RBPJ: variants seen among roughly 807,000 people sequenced by gnomAD.
The protein encoded by RBPJ is recombining binding protein suppressor of hairless.
In RBPJ, 9 loss-of-function variants were observed where a neutral mutation model predicts 67.8. That is an observed-to-expected ratio of 0.13 (90% CI 0.08 to 0.23). The LOEUF is 0.23. Ranked by LOEUF, RBPJ falls within the 10% of genes least tolerant of loss-of-function variation. RBPJ has a pLI of 1.00. For synonymous variants in RBPJ, 198 were observed against 203.3 expected (o/e 0.97, Z 0.22); for missense variants, 305 against 595.6 (o/e 0.51, Z 5.08).
At chr4:26,219,629 A>G (rs1483943218) in intron 1 of RBPJ, among the ~76,000 whole-genome samples, 1 of 152,252 alleles carries the variant, frequency 6.6e-6, no homozygotes, top group African/African-American at 2.4e-5. Flanking sequence ...AAGCATTTCC[A>G]TATCTGAACC....
intron 1 of RBPJ, among the ~76,000 whole-genome samples, chr4:26,363,527 C>G (rs916822280): frequency 6.6e-6 from 1 of 152,202 alleles, no homozygotes; most frequent in Non-Finnish European, 1.5e-5. Context: ...CAGCCTCTGC[C>G]TCCTGGGTTC....
intron 1 of RBPJ, among the ~76,000 whole-genome samples, chr4:26,262,734 C>T (rs1241750000): frequency 6.6e-6 from 1 of 152,154 alleles, no homozygotes; most frequent in Non-Finnish European, 1.5e-5. Flanking sequence ...CCTAATTCCC[C>T]TCTATTGAGC....
chr4:26,224,848 C>G (rs1236903852), intron 1 of RBPJ, among the ~76,000 whole-genome samples: 1 of 152,188 alleles, frequency 6.6e-6, no homozygotes, highest in Non-Finnish European at 1.5e-5. Flanking sequence ...AGAAGCCTGG[C>G]TATAGCTCCA....
intron 1 of RBPJ, among the ~76,000 whole-genome samples, chr4:26,242,561 G>C (rs1719681429): frequency 6.6e-6 from 1 of 151,884 alleles, no homozygotes; most frequent in African/African-American, 2.4e-5. Flanking sequence ...TCCATACCAA[G>C]ATGCTGTTTG....
intron 1 of RBPJ, among the ~76,000 whole-genome samples, chr4:26,194,162 A>G (rs1488092890): frequency 6.6e-6 from 1 of 152,178 alleles, no homozygotes; most frequent in East Asian, 1.9e-4. Flanking sequence ...ATGGTTTCCT[A>G]TGTCATCTAT....
chr4:26,327,090 C>T (rs1053499199), intron 1 of RBPJ, among the ~76,000 whole-genome samples: 1 of 152,162 alleles, frequency 6.6e-6, no homozygotes, highest in African/African-American at 2.4e-5. Flanking sequence ...ATCTCTCAGA[C>T]TCTTATCCTG....
chr4:26,202,368 G>A (rs143121876), intron 1 of RBPJ, among the ~76,000 whole-genome samples: 4 of 151,846 alleles, frequency 2.6e-5, no homozygotes, highest in African/African-American at 9.7e-5. Flanking sequence ...GTGGCAATAG[G>A]CTGCCTACTT....
chr4:26,229,794 A>G (rs1047285759), intron 1 of RBPJ, among the ~76,000 whole-genome samples: 2 of 152,232 alleles, frequency 1.3e-5, no homozygotes, highest in Non-Finnish European at 2.9e-5. Flanking sequence ...ATAGGATAAT[A>G]AATGGAAGGT....
chr4:26,382,462 T>C (rs1241968848), intron 1 of RBPJ, among the ~76,000 whole-genome samples: 1 of 152,270 alleles, frequency 6.6e-6, no homozygotes, highest in Non-Finnish European at 1.5e-5. Flanking sequence ...CAGTTTTTAA[T>C]GTGTATCCCT....
the RBPJ span, among the ~76,000 whole-genome samples, chr4:26,147,281 G>A: frequency 6.6e-6 from 1 of 152,248 alleles, no homozygotes; most frequent in East Asian, 1.9e-4. Context: ...AGGACTCTGG[G>A]TCAAGGGTCC....
chr4:26,334,864 C>T (rs147859209), intron 1 of RBPJ, among the ~76,000 whole-genome samples: 9 of 152,334 alleles, frequency 5.9e-5, no homozygotes, highest in African/African-American at 1.9e-4. Context: ...CTCTTTGCTA[C>T]TTCTCTTCCA....
chr4:26,251,945 C>T (rs1405030831), intron 1 of RBPJ, among the ~76,000 whole-genome samples: 3 of 151,324 alleles, frequency 2.0e-5, no homozygotes, highest in African/African-American at 7.3e-5. Flanking sequence ...GGGCTATCGA[C>T]TGACTTTCAG....
At chr4:26,316,532 CAT>C (rs35005480), upstream of RBPJ, among the ~76,000 whole-genome samples, 652 of 5,716 alleles carry the variant, frequency 0.11, 14 homozygotes, top group East Asian at 0.15. Flanking sequence ...TATATATATT[CAT>C]ATATATATTC....
chr4:26,313,407 C>A (rs962014388), intron 1 of RBPJ, among the ~76,000 whole-genome samples: 2 of 152,080 alleles, frequency 1.3e-5, no homozygotes, highest in Non-Finnish European at 2.9e-5. Context: ...GTGGCTCACA[C>A]CTGTAATCCC....
intron 1 of RBPJ, among the ~76,000 whole-genome samples, chr4:26,340,879 A>G (rs1342007792): frequency 6.6e-6 from 1 of 152,052 alleles, no homozygotes; most frequent in African/African-American, 2.4e-5. Flanking sequence ...AAAGAAAAAA[A>G]AAAAAGAAAG....
intron 1 of RBPJ, 24 bp from the exon 2 acceptor site, chr4:26,386,328 AT>A: frequency 6.5e-7 from 1 of 1,529,246 alleles, no homozygotes; most frequent in South Asian, 1.2e-5. Flanking sequence ...ACTTAACTTT[AT>A]TTTCTTTATT....
chr4:26,315,469 CGGCAAAAAGG>C (rs1722581645), upstream of RBPJ, among the ~76,000 whole-genome samples: 1 of 151,782 alleles, frequency 6.6e-6, no homozygotes, highest in African/African-American at 2.4e-5. Flanking sequence ...ATACTTCAAA[CGGCAAAAAGG>C]AGAACAAAGA....
intron 2 of RBPJ, among the ~76,000 whole-genome samples, chr4:26,392,925 A>G (rs1312724540): frequency 1.3e-5 from 2 of 152,050 alleles, no homozygotes; most frequent in African/African-American, 4.8e-5. Flanking sequence ...AGTTTTGTTT[A>G]TTTTTTTGTT....
At chr4:26,109,541 CTGTGCCTGT>C in the RBPJ span, among the ~76,000 whole-genome samples, 2 of 120,496 alleles carry the variant, frequency 1.7e-5, no homozygotes, top group African/African-American at 3.0e-5. Context: ...TATATAGCCA[CTGTGCCTGT>C]CCACCTTCCT....
Sources: gnomAD v4.1 joint callset for allele counts (sites outside exome capture counted in the v4.1 genomes callset) on GRCh38, gnomAD v4.1.1 for gene constraint, MANE v1.5 for transcripts, NCBI Gene and HGNC (gene_info 2026-07-23, HGNC 2026-07-21) for gene names.